TMEM150A: variants seen among roughly 807,000 people sequenced by gnomAD.
TMEM150A encodes fasting-inducible integral membrane protein TM6P1.
Under a neutral mutation model 29.8 loss-of-function variants are expected in TMEM150A, and 18 were observed. That is an observed-to-expected ratio of 0.60 (90% CI 0.42 to 0.90). TMEM150A has a LOEUF of 0.90. Ranked by LOEUF, TMEM150A falls within the 40% of genes least tolerant of loss-of-function variation. The pLI, the probability that TMEM150A is intolerant of heterozygous loss-of-function variation, is 0.00. For missense variants in TMEM150A, 251 were observed against 349.7 expected, an observed-to-expected ratio of 0.72 and a Z score of 2.25; for synonymous variants, 127 against 143.6, an observed-to-expected ratio of 0.88 and a Z score of 0.83.
rs780697575 is a variant in TMEM150A, at chr2:85,599,064, C to A, written c.*12G>T. 2.5e-6 allele frequency: 4 copies of A among 1,602,806 alleles called. No homozygotes were observed. The highest frequency in any genetic ancestry group is 3.4e-6 in the Non-Finnish European group (4 of 1,171,548). On this transcript the variant is annotated 3_prime_UTR_variant, in exon 8 of 8. Coordinates refer to ENST00000334462, the MANE Select transcript of TMEM150A (RefSeq NM_001031738.3). This position sits in a 1 kb window ranked among gnomAD's most constrained non-coding sequence, Gnocchi z 6.0. ...GTGCTGTGGAGGCCGGGCCAGCCAC[C>A]CTCCCCAGACCTTAGATCATAGCGA...
chr2:85,601,465 A>G lies in TMEM150A; in HGVS notation c.83T>C (p.Met28Thr). Residue 28 changes from methionine (M) to threonine (T), a missense_variant, in exon 3 of 8, where the codon ATG (methionine) becomes ACG (threonine). By Grantham distance (81) the Met-to-Thr change is moderately conservative. Transcript: ENST00000334462. This position sits in a 1 kb window ranked among gnomAD's most constrained non-coding sequence, Gnocchi z 4.0. The part of the protein sequence containing the change: ...GIWTVYAMAV[M>T]NHHVCPVENW... Reference sequence around the variant, plus strand: ...CTCCACAGGGCATACATGGTGGTTCATCACAGCCATGGCATACCTGTGGGA... The same window carrying G: ...CTCCACAGGGCATACATGGTGGTTCGTCACAGCCATGGCATACCTGTGGGA... 10 of 1,613,204 alleles carry G rather than the reference A, an allele frequency of 6.2e-6. No homozygotes were observed. The highest frequency in any genetic ancestry group is 5.9e-6 in the Non-Finnish European group (7 of 1,179,928).
rs1254874325 is a variant in TMEM150A, at chr2:85,602,349, C to A, written c.-117+258G>T. The A allele has an allele frequency of 6.4e-6, 1 of 157,352 alleles. No individual in the cohort carries two copies. Among genetic ancestry groups the A allele is most frequent in the Non-Finnish European group, 1.4e-5 (1 of 71,240 alleles). 9.7% of individuals were successfully genotyped at this position (157,352 alleles called of 1,614,324 possible). On this transcript the variant is annotated intron_variant, in intron 1 of 7. Coordinates refer to ENST00000334462, the MANE Select transcript of TMEM150A (RefSeq NM_001031738.3). The surrounding 1 kb of genome is among the most constrained non-coding windows in gnomAD (Gnocchi z 5.6). ...AAGGGCTGGACAACCGAAGAGGCCA[C>A]GCCAAGGAGAGGCTGGGTGCCGGCC...
In TMEM150A at chr2:85,599,766, A is replaced by T. The variant is rs185098318; in HGVS notation, c.397-64T>A. On this transcript the variant is annotated intron_variant, in intron 6 of 7. Transcript: ENST00000334462. This position sits in a 1 kb window ranked among gnomAD's most constrained non-coding sequence, Gnocchi z 6.0. ...GCCCCACCTCTCCACCCCTCCTTCAATGAATCTCCTCTCTCCCTCTTCCTT... is the reference window on the plus strand; with the variant it reads ...GCCCCACCTCTCCACCCCTCCTTCATTGAATCTCCTCTCTCCCTCTTCCTT... The T allele has an allele frequency of 1.5e-5, 24 of 1,591,790 alleles. No individual in the cohort carries two copies. The highest frequency in any genetic ancestry group is 1.1e-4 in the East Asian group (5 of 44,626).
rs975414700 is a variant in TMEM150A at position 85,598,782 on chromosome 2, G to A, written c.*294C>T. 22 of 382,466 alleles carry A rather than the reference G, an allele frequency of 5.8e-5. No individual in the cohort carries two copies. The highest frequency in any genetic ancestry group is 5.3e-4 in the Admixed American group (14 of 26,586). 23.7% of individuals were successfully genotyped at this position (382,466 alleles called of 1,614,324 possible). ...TGCAGCAGGAAACCCCAGTGGTCTG[G>A]CTTTGGCACTGGGAGTAGAAGGCAC... On this transcript the variant is annotated 3_prime_UTR_variant, in exon 8 of 8. Coordinates refer to ENST00000334462, the MANE Select transcript of TMEM150A (RefSeq NM_001031738.3).
chr2:85,601,327 G>C lies in TMEM150A; in HGVS notation c.113+108C>G. 1 of 1,411,488 alleles carries C rather than the reference G, an allele frequency of 7.1e-7. No individual in the cohort carries two copies. The highest frequency in any genetic ancestry group is 1.0e-6 in the Non-Finnish European group (1 of 996,146). 87.4% of individuals were successfully genotyped at this position (1,411,488 alleles called of 1,614,324 possible). A position where few individuals can be genotyped will look rare whatever the true frequency, so the allele number is the denominator to read the frequency against. ...ATGCCTGGGGACCAATTTCAGAGAA[G>C]AGCAGTGAGGCTCAGGGTTGCAGTC... On this transcript the variant is annotated intron_variant, in intron 3 of 7. Coordinates refer to ENST00000334462, the MANE Select transcript of TMEM150A (RefSeq NM_001031738.3). The surrounding 1 kb of genome is among the most constrained non-coding windows in gnomAD (Gnocchi z 4.0).
intron 4 of TMEM150A, chr2:85,600,678 C>T: frequency 1.8e-6 from 1 of 557,364 alleles, no homozygotes. Flanking sequence ...GCTGGTTTGG[C>T]TATCCTTGAG....
In TMEM150A at chr2:85,599,068, C is replaced by T. The variant is rs187171843; in HGVS notation, c.*8G>A. Reference sequence around the variant, plus strand: ...TGTGGAGGCCGGGCCAGCCACCCTCCCCAGACCTTAGATCATAGCGATGCT... The same window carrying T: ...TGTGGAGGCCGGGCCAGCCACCCTCTCCAGACCTTAGATCATAGCGATGCT... On this transcript the variant is annotated 3_prime_UTR_variant, in exon 8 of 8. Coordinates refer to ENST00000334462, the MANE Select transcript of TMEM150A (RefSeq NM_001031738.3). This position sits in a 1 kb window ranked among gnomAD's most constrained non-coding sequence, Gnocchi z 6.0. The T allele has an allele frequency of 8.3e-3, 13,284 of 1,609,762 alleles. 78 individuals are homozygous for T. Among genetic ancestry groups the T allele is most frequent in the Non-Finnish European group, 9.6e-3 (11,338 of 1,177,158 alleles).
Position 85,599,073 on chromosome 2 carries a change from A to G in TMEM150A, c.*3T>C. On this transcript the variant is annotated 3_prime_UTR_variant, in exon 8 of 8. Transcript: ENST00000334462. The surrounding 1 kb of genome is among the most constrained non-coding windows in gnomAD (Gnocchi z 6.0). ...AGGCCGGGCCAGCCACCCTCCCCAG[A>G]CCTTAGATCATAGCGATGCTCTCGG... 3 of 1,610,100 alleles carry G rather than the reference A, an allele frequency of 1.9e-6. No homozygotes were observed. Among genetic ancestry groups the G allele is most frequent in the Non-Finnish European group, 2.5e-6 (3 of 1,177,432 alleles).
In TMEM150A at chr2:85,601,012, A is replaced by G. The variant is rs1672910046; in HGVS notation, c.200+9T>C. On this transcript the variant is annotated intron_variant, in intron 4 of 7. Transcript: ENST00000334462. The surrounding 1 kb of genome is among the most constrained non-coding windows in gnomAD (Gnocchi z 4.0). The stretch of plus-strand genomic sequence containing the variant: ...GATCTCCCTGACCGGCCCAATGTCC[A>G]GGCCTTACCTGATGAGGGGGACATC... The G allele has an allele frequency of 1.2e-6, 2 of 1,611,878 alleles. No individual in the cohort carries two copies. Among genetic ancestry groups the G allele is most frequent in the Non-Finnish European group, 1.7e-6 (2 of 1,179,166 alleles).
chr2:85,600,444 G>A (rs776323351), intron 4 of TMEM150A, 32 bp from the exon 5 acceptor site: 8 of 1,596,830 alleles, frequency 5.0e-6, no homozygotes, highest in Admixed American at 3.3e-5. Flanking sequence ...GAGTAAGAGG[G>A]GTGCAGGAGG....
chr2:85,602,081 A>G lies in TMEM150A; in HGVS notation c.-116-17T>C, dbSNP rs192304107. On this transcript the variant is annotated splice_polypyrimidine_tract_variant and intron_variant, in intron 1 of 7. Transcript: ENST00000334462. This position sits in a 1 kb window ranked among gnomAD's most constrained non-coding sequence, Gnocchi z 5.6. ...TGTCCTGGCCTGGTGGAGAGAGATC[A>G]AAGTCCAGGAGTGGGTAACTGGCCG... 1.5e-5 allele frequency: 12 copies of G among 794,876 alleles called. No homozygotes were observed. The highest frequency in any genetic ancestry group is 3.3e-4 in the Middle Eastern group (1 of 3,068). 49.2% of individuals were successfully genotyped at this position (794,876 alleles called of 1,614,324 possible).
chr2:85,599,640 G>C lies in TMEM150A; in HGVS notation c.459C>G (p.Leu153=), dbSNP rs760088405. 5 of 1,613,806 alleles carry C rather than the reference G, an allele frequency of 3.1e-6. No homozygotes were observed. Among genetic ancestry groups the C allele is most frequent in the East Asian group, 2.2e-5 (1 of 44,888 alleles). The change falls in exon 7 of 8, where the codon CTC becomes CTG. Residue 153 remains leucine, a synonymous_variant. Transcript: ENST00000334462. The surrounding 1 kb of genome is among the most constrained non-coding windows in gnomAD (Gnocchi z 6.0). ...GAGVAFPAGL[L]FVCLHCALSY... ...AGAGAGCACAGTGCAGGCAAACAAAGAGCAGCCCCGCAGGGAAGGCCACGC... is the reference window on the plus strand; with the variant it reads ...AGAGAGCACAGTGCAGGCAAACAAACAGCAGCCCCGCAGGGAAGGCCACGC...
Position 85,602,154 on chromosome 2 carries a change from G to C in TMEM150A, c.-116-90C>G. 1 of 533,598 alleles carries C rather than the reference G, an allele frequency of 1.9e-6. No homozygotes were observed. The highest frequency in any genetic ancestry group is 3.4e-6 in the Non-Finnish European group (1 of 292,136). The allele number at this position is 533,598 out of a possible 1,614,324, so 33.1% of individuals were successfully genotyped here. ...CAACACCTTATCCAGCGCTCCCGTTGGGTCTCTGAGCGTCCAAAGTTTGGG... is the reference window on the plus strand; with the variant it reads ...CAACACCTTATCCAGCGCTCCCGTTCGGTCTCTGAGCGTCCAAAGTTTGGG... On this transcript the variant is annotated intron_variant, in intron 1 of 7. Coordinates refer to ENST00000334462, the MANE Select transcript of TMEM150A (RefSeq NM_001031738.3). The surrounding 1 kb of genome is among the most constrained non-coding windows in gnomAD (Gnocchi z 5.6).
Position 85,601,937 on chromosome 2 carries a change from C to T in TMEM150A, c.12G>A (p.Trp4Ter), listed in dbSNP as rs1209610660. MTA[W>*]ILLPVSLSAF... Reference sequence around the variant, plus strand: ...CTGACAGGCTGACAGGCAGGAGGATCCAGGCGGTCATGAGGGAGGGGAGCC... The same window carrying T: ...CTGACAGGCTGACAGGCAGGAGGATTCAGGCGGTCATGAGGGAGGGGAGCC... Residue 4 changes from tryptophan (W) to a stop codon, truncating the protein, a stop_gained, in exon 2 of 8, where the codon TGG becomes TGA. Coordinates refer to ENST00000334462, the MANE Select transcript of TMEM150A (RefSeq NM_001031738.3). LOFTEE classifies it high-confidence loss of function. The surrounding 1 kb of genome is among the most constrained non-coding windows in gnomAD (Gnocchi z 4.0). 3 of 1,613,914 alleles carry T rather than the reference C, an allele frequency of 1.9e-6. No individual in the cohort carries two copies. The highest frequency in any genetic ancestry group is 2.5e-6 in the Non-Finnish European group (3 of 1,179,978).
At chr2:85,600,927 T>G in intron 4 of TMEM150A, 94 bp downstream of exon 4, 1 of 1,182,686 alleles carries the variant, frequency 8.5e-7, no homozygotes, top group Non-Finnish European at 1.2e-6. Flanking sequence ...CTTAGGATAC[T>G]TATTGTTCCT....
intron 4 of TMEM150A, 28 bp from the exon 5 acceptor site, chr2:85,600,440 G>T: frequency 1.2e-6 from 2 of 1,609,806 alleles, no homozygotes; most frequent in Non-Finnish European, 1.7e-6. Flanking sequence ...GACAGAGTAA[G>T]AGGGGTGCAG....
Position 85,599,773 on chromosome 2 carries a change from TC to T in TMEM150A, c.397-72del, listed in dbSNP as rs1672825195. On this transcript the variant is annotated intron_variant, in intron 6 of 7. Transcript: ENST00000334462. The surrounding 1 kb of genome is among the most constrained non-coding windows in gnomAD (Gnocchi z 6.0). ...CTCTCCACCCCTCCTTCAATGAATC[TC>T]CTCTCTCCCTCTTCCTTCCTCTCCC... 7.1e-7 allele frequency: 1 copy of T among 1,413,376 alleles called. No individual in the cohort carries two copies. 87.6% of individuals were successfully genotyped at this position (1,413,376 alleles called of 1,614,324 possible). A position where few individuals can be genotyped will look rare whatever the true frequency, so the allele number is the denominator to read the frequency against.
Position 85,601,056 on chromosome 2 carries a change from CT to C in TMEM150A, c.164del (p.Lys55ArgfsTer38). ...GGACATCGTCCAGGGTGCAGCAGGTCTTGGGACCCCCTTGCTCAGCAGGGTC... is the reference window on the plus strand; with the variant it reads ...GGACATCGTCCAGGGTGCAGCAGGTCTGGGACCCCCTTGCTCAGCAGGGTC... Reference protein sequence around the residue: ...PPDPAEQGGPKTCCTLDDVPL... With the variant: ...PPDPAEQGGPXTCCTLDDVPL... On this transcript the variant is annotated frameshift_variant, in exon 4 of 8. Coordinates refer to ENST00000334462, the MANE Select transcript of TMEM150A (RefSeq NM_001031738.3). LOFTEE classifies it high-confidence loss of function. The surrounding 1 kb of genome is among the most constrained non-coding windows in gnomAD (Gnocchi z 4.0). The C allele has an allele frequency of 6.2e-7, 1 of 1,612,596 alleles. No homozygotes were observed. The highest frequency in any genetic ancestry group is 8.5e-7 in the Non-Finnish European group (1 of 1,179,502).
rs758241688 is a variant in TMEM150A at position 85,601,133 on chromosome 2, TG to T, written c.114-27del. On this transcript the variant is annotated intron_variant, in intron 3 of 7. Transcript: ENST00000334462. This position sits in a 1 kb window ranked among gnomAD's most constrained non-coding sequence, Gnocchi z 4.0. The stretch of plus-strand genomic sequence containing the variant: ...CTGGCAGGCAGGACAGGGAGTAGAC[TG>T]GGGGAAGGGACTGCCCCCAGGCCCT... 1 of 1,609,192 alleles carries T rather than the reference TG, an allele frequency of 6.2e-7. No homozygotes were observed. Among genetic ancestry groups the T allele is most frequent in the African/African-American group, 1.3e-5 (1 of 74,706 alleles).
Sources: allele counts gnomAD v4.1 joint callset, GRCh38; gene constraint gnomAD v4.1.1; non-coding constraint Gnocchi (gnomAD v3.1); transcripts MANE v1.5; gene names NCBI Gene and HGNC (gene_info 2026-07-23, HGNC 2026-07-21).